Variants in TENM2 observed in about 807,000 individuals in gnomAD.
The protein encoded by TENM2 is teneurin-2.
Under a neutral mutation model 245.2 loss-of-function variants are expected in TENM2, and 52 were observed. The observed-to-expected ratio is 0.21, with a 90% confidence interval of 0.17 to 0.27. TENM2 has a LOEUF of 0.27. Ranked by LOEUF, TENM2 falls within the 10% of genes least tolerant of loss-of-function variation. The pLI is 1.00. For missense variants in TENM2, 3,046 were observed against 3,666.8 expected (o/e 0.83, Z 4.37); for synonymous variants, 1,363 against 1,438.9 (o/e 0.95, Z 1.19).
intron 2 of TENM2, among the ~76,000 whole-genome samples, chr5:167,542,631 C>T (rs559868668): frequency 2.6e-5 from 4 of 152,228 alleles, no homozygotes; most frequent in Admixed American, 1.3e-4. Context: ...TTTGTATTGT[C>T]ATTACTGGTT....
chr5:166,988,391 T>G, the TENM2 span, among the ~76,000 whole-genome samples: 3 of 152,240 alleles, frequency 2.0e-5, no homozygotes, highest in Non-Finnish European at 4.4e-5. Context: ...TAAGGATTTA[T>G]GAAATTGTTT....
chr5:167,593,738 T>G (rs574292491), intron 2 of TENM2, among the ~76,000 whole-genome samples: 1 of 152,348 alleles, frequency 6.6e-6, no homozygotes, highest in African/African-American at 2.4e-5. Flanking sequence ...ATAGAAATAC[T>G]CCTGAAATTG....
chr5:167,681,932 A>ATG (rs143123775), intron 2 of TENM2, among the ~76,000 whole-genome samples: 18 of 151,640 alleles, frequency 1.2e-4, no homozygotes, highest in East Asian at 3.9e-4. Context: ...ACTCTTAGGC[A>ATG]TGTGTGTGTG....
chr5:167,467,923 G>A (rs1164366749), intron 2 of TENM2, among the ~76,000 whole-genome samples: 1 of 152,124 alleles, frequency 6.6e-6, no homozygotes, highest in African/African-American at 2.4e-5. Context: ...AAGCTGGCAT[G>A]TATTCTATTC....
At chr5:167,530,733 C>A (rs140000262) in intron 2 of TENM2, among the ~76,000 whole-genome samples, 1 of 152,302 alleles carries the variant, frequency 6.6e-6, no homozygotes, top group African/African-American at 2.4e-5. Context: ...AAATTTACAG[C>A]CCTGTCGCTG....
intron 2 of TENM2, among the ~76,000 whole-genome samples, chr5:167,704,651 C>A (rs977094709): frequency 6.6e-6 from 1 of 152,088 alleles, no homozygotes; most frequent in Non-Finnish European, 1.5e-5. Flanking sequence ...AAAAAGAAGG[C>A]TTTGAATAAG....
chr5:168,250,112 A>C (rs1206589687), intron 27 of TENM2, among the ~76,000 whole-genome samples: 6 of 9,426 alleles, frequency 6.4e-4, no homozygotes, highest in Admixed American at 2.9e-3. Flanking sequence ...GAGTGGATGG[A>C]TGGATGGATG....
the TENM2 span, among the ~76,000 whole-genome samples, chr5:167,268,637 G>A: frequency 2.6e-4 from 39 of 152,182 alleles, no homozygotes; most frequent in Non-Finnish European, 5.1e-4. Context: ...CTGTGGCCTG[G>A]GGGTCAAATG....
chr5:167,076,360 T>TA, the TENM2 span, among the ~76,000 whole-genome samples: 6 of 152,260 alleles, frequency 3.9e-5, no homozygotes, highest in East Asian at 3.9e-4. Context: ...AGAAAGACAG[T>TA]AAAAAATCAT....
intron 2 of TENM2, among the ~76,000 whole-genome samples, chr5:167,396,028 A>G (rs1458492391): frequency 6.6e-6 from 1 of 152,196 alleles, no homozygotes; most frequent in African/African-American, 2.4e-5. Context: ...ATAAAATGAT[A>G]CAACCACTAT....
chr5:167,353,539 G>T lies in TENM2; in HGVS notation c.227-21659G>T, dbSNP rs574743961. Among the ~76,000 whole-genome samples the T allele has an allele frequency of 4.7e-4, 50 of 106,296 alleles. No homozygotes were observed. The South Asian group carries it at 9.1e-3, about 19-fold the overall frequency. 69.7% of individuals were successfully genotyped at this position (106,296 alleles called of 152,430 possible). A position where few individuals can be genotyped will look rare whatever the true frequency, so the allele number is the denominator to read the frequency against. On this transcript the variant is annotated intron_variant, in intron 1 of 28. Transcript: ENST00000518659. Reference sequence around the variant, plus strand: ...TTTTTTTTTTTTGAGACGGAGTCTCGCTCTGTCGCCCAGGCTGGAGTGCAG... The same window carrying T: ...TTTTTTTTTTTTGAGACGGAGTCTCTCTCTGTCGCCCAGGCTGGAGTGCAG...
the TENM2 span, among the ~76,000 whole-genome samples, chr5:167,235,481 GA>G: frequency 1.4e-4 from 21 of 150,524 alleles, no homozygotes; most frequent in Admixed American, 4.0e-4. Flanking sequence ...GGCTTTATTA[GA>G]AAAAAAAAAT....
At chr5:167,241,155 T>C in the TENM2 span, among the ~76,000 whole-genome samples, 1 of 152,184 alleles carries the variant, frequency 6.6e-6, no homozygotes, top group Non-Finnish European at 1.5e-5. Context: ...TATAATATAG[T>C]GAGCAAAATA....
At chr5:167,189,245 G>A in the TENM2 span, among the ~76,000 whole-genome samples, 13 of 152,216 alleles carry the variant, frequency 8.5e-5, no homozygotes, top group South Asian at 2.7e-3. Context: ...CACTCATAGT[G>A]TGAAAAAGAC....
intron 11 of TENM2, among the ~76,000 whole-genome samples, chr5:168,125,628 G>A (rs927845791): frequency 5.9e-5 from 9 of 151,966 alleles, no homozygotes; most frequent in Admixed American, 2.0e-4. Context: ...CCAAGCAAGC[G>A]ATCATTCCGC....
At chr5:167,868,060 A>T (rs1772480642) in intron 2 of TENM2, among the ~76,000 whole-genome samples, 1 of 152,228 alleles carries the variant, frequency 6.6e-6, no homozygotes, top group Non-Finnish European at 1.5e-5. Flanking sequence ...ACGTAACATA[A>T]AGTATACTTA....
At chr5:168,238,268 A>AG (rs1554230377) in intron 25 of TENM2, among the ~76,000 whole-genome samples, 1 of 120,830 alleles carries the variant, frequency 8.3e-6, no homozygotes, top group African/African-American at 3.6e-5. Context: ...AGAAAAGAAA[A>AG]GAAAAGAAAA....
At chr5:167,621,458 C>A (rs1386362991) in intron 2 of TENM2, among the ~76,000 whole-genome samples, 1 of 152,008 alleles carries the variant, frequency 6.6e-6, no homozygotes, top group Non-Finnish European at 1.5e-5. Context: ...GGAAGAGTAG[C>A]AGGATCCAGG....
At chr5:167,140,135 T>C in the TENM2 span, among the ~76,000 whole-genome samples, 1 of 152,182 alleles carries the variant, frequency 6.6e-6, no homozygotes, top group African/African-American at 2.4e-5. Flanking sequence ...ATCTGATTAC[T>C]GTTTTTTACT....
Sources: gnomAD v4.1 joint callset for allele counts (sites outside exome capture counted in the v4.1 genomes callset) on GRCh38, gnomAD v4.1.1 for gene constraint, MANE v1.5 for transcripts, NCBI Gene and HGNC (gene_info 2026-07-23, HGNC 2026-07-21) for gene names.